The following KCNH5 variants were observed in gnomAD, a reference collection of about 807,000 sequenced individuals.
The protein encoded by KCNH5 is potassium voltage-gated channel subfamily H member 5.
In KCNH5, 46 loss-of-function variants were observed where a neutral mutation model predicts 96.1. The ratio of observed to expected loss-of-function variants is 0.48; its 90% CI spans 0.38 to 0.61. KCNH5 has a LOEUF of 0.61. Ranked by LOEUF, KCNH5 falls within the 20% of genes least tolerant of loss-of-function variation. KCNH5 has a pLI of 0.00. For synonymous variants in KCNH5, 439 were observed against 449.8 expected (o/e 0.98, Z 0.30); for missense variants, 907 against 1,225.8 (o/e 0.74, Z 3.88).
At position 62,772,993 on chromosome 14, in the gene KCNH5, T is replaced by C. The variant is rs1414848170; in HGVS notation, c.2019+6735A>G. 2.0e-5 allele frequency among the ~76,000 whole-genome samples: 3 copies of C among 152,310 alleles called. No individual in the cohort carries two copies. The East Asian group carries it at 5.8e-4, about 29-fold the overall frequency. On this transcript the variant is annotated intron_variant, in intron 10 of 10. Coordinates refer to ENST00000322893, the MANE Select transcript of KCNH5 (RefSeq NM_139318.5). ...CTATTAGTTTTATCCTGAACCACAG[T>C]ATGAAAAACTAAAATCAATCTATGA...
At chr14:62,748,501 AT>A (rs893713073) in intron 10 of KCNH5, among the ~76,000 whole-genome samples, 1 of 151,974 alleles carries the variant, frequency 6.6e-6, no homozygotes, top group Non-Finnish European at 1.5e-5. Context: ...TCATGGCCCC[AT>A]TTTCCCAGCC....
intron 4 of KCNH5, among the ~76,000 whole-genome samples, chr14:62,990,443 T>C (rs113039237): frequency 2.0e-5 from 3 of 152,174 alleles, no homozygotes; most frequent in South Asian, 2.1e-4. Context: ...TTCATCTCTT[T>C]TCTTTACCTT....
intron 2 of KCNH5, among the ~76,000 whole-genome samples, chr14:63,015,769 TTCATATCCCCTTGAATA>T (rs1357722790): frequency 7.9e-5 from 12 of 152,074 alleles, no homozygotes; most frequent in African/African-American, 2.6e-4. Flanking sequence ...ACCCAAGGGT[TTCATATCCCCTTGAATA>T]TCATATTTTT....
At chr14:62,750,746 T>G (rs778554006) in intron 10 of KCNH5, among the ~76,000 whole-genome samples, 14 of 152,178 alleles carry the variant, frequency 9.2e-5, no homozygotes, top group Non-Finnish European at 1.9e-4. Context: ...TTAGAATCAG[T>G]GTAAATGTTA....
At chr14:62,713,774 C>T (rs1010563851) in intron 10 of KCNH5, among the ~76,000 whole-genome samples, 2 of 152,112 alleles carry the variant, frequency 1.3e-5, no homozygotes, top group African/African-American at 4.8e-5. Flanking sequence ...ATCAGGGATG[C>T]CTAATATAAG....
chr14:62,713,450 A>C (rs1287898781), intron 10 of KCNH5, among the ~76,000 whole-genome samples: 3 of 152,218 alleles, frequency 2.0e-5, no homozygotes, highest in Non-Finnish European at 4.4e-5. Flanking sequence ...AAAGGTCTTG[A>C]ATCAGAACCT....
chr14:62,789,781 T>G (rs1886393749), intron 9 of KCNH5, among the ~76,000 whole-genome samples: 2 of 151,980 alleles, frequency 1.3e-5, no homozygotes, highest in Admixed American at 1.3e-4. Flanking sequence ...GGGTTATTTA[T>G]TTTCTGCTAT....
chr14:62,993,782 T>C (rs1175383680), intron 4 of KCNH5, among the ~76,000 whole-genome samples: 1 of 152,076 alleles, frequency 6.6e-6, no homozygotes, highest in Non-Finnish European at 1.5e-5. Context: ...GTGATACATT[T>C]ACTGATCTCA....
chr14:63,036,747 A>C (rs905482368), intron 1 of KCNH5, among the ~76,000 whole-genome samples: 2 of 152,144 alleles, frequency 1.3e-5, no homozygotes, highest in Non-Finnish European at 2.9e-5. Context: ...CTCATTCTTT[A>C]GGAAGGAAAA....
intron 7 of KCNH5, among the ~76,000 whole-genome samples, chr14:62,939,934 C>A (rs1426119952): frequency 2.0e-5 from 3 of 151,880 alleles, no homozygotes; most frequent in Non-Finnish European, 2.9e-5. Flanking sequence ...GAGCAAAAAT[C>A]TGCCTCAAAA....
At chr14:63,044,081 A>G (rs548913134) in intron 1 of KCNH5, among the ~76,000 whole-genome samples, 6 of 152,198 alleles carry the variant, frequency 3.9e-5, no homozygotes, top group Non-Finnish European at 7.3e-5. Flanking sequence ...TCCAAGCTCT[A>G]CTGTACTCCA....
At chr14:62,934,458 C>T (rs1439326428) in intron 7 of KCNH5, among the ~76,000 whole-genome samples, 1 of 152,100 alleles carries the variant, frequency 6.6e-6, no homozygotes, top group African/African-American at 2.4e-5. Flanking sequence ...CATTAAAATT[C>T]CCAGGTTGTT....
Position 62,981,191 on chromosome 14 carries a change from A to G in KCNH5, c.623T>C (p.Leu208Ser). 1 of 1,614,134 alleles carries G rather than the reference A, an allele frequency of 6.2e-7. No individual in the cohort carries two copies. Among genetic ancestry groups the G allele is most frequent in the South Asian group, 1.1e-5 (1 of 91,080 alleles). ...AGTAGTTTTAAAAGCACAATAATGT[A>G]AAATAATGTGTGGTGGCGTCTTTGG... ...EAPKTPPHII[L>S]HYCAFKTTWD... is the part of the protein sequence containing the mutation. The change falls in exon 6 of 11, where the codon TTA becomes TCA. Residue 208 changes from leucine (L) to serine (S), a missense_variant. By Grantham distance (145) the Leu-to-Ser change is moderately radical. Transcript: ENST00000322893.
chr14:62,828,111 T>A (rs1425946095), intron 8 of KCNH5, among the ~76,000 whole-genome samples: 1 of 152,130 alleles, frequency 6.6e-6, no homozygotes, highest in African/African-American at 2.4e-5. Context: ...CTTCTGACCT[T>A]GATCAGCCCC....
intron 7 of KCNH5, among the ~76,000 whole-genome samples, chr14:62,922,966 T>G (rs1032794266): frequency 2.6e-5 from 4 of 151,666 alleles, no homozygotes; most frequent in Non-Finnish European, 5.9e-5. Context: ...GTAAATAACA[T>G]CCAATTTAGA....
intron 10 of KCNH5, among the ~76,000 whole-genome samples, chr14:62,713,449 G>A (rs557985047): frequency 8.7e-4 from 132 of 152,302 alleles, no homozygotes; most frequent in Non-Finnish European, 1.5e-3. Context: ...GAAAGGTCTT[G>A]AATCAGAACC....
chr14:62,841,321 C>G (rs1342374065), intron 8 of KCNH5, among the ~76,000 whole-genome samples: 2 of 152,108 alleles, frequency 1.3e-5, no homozygotes, highest in South Asian at 2.1e-4. Flanking sequence ...GCATTATGGT[C>G]TCATTTAAAA....
chr14:63,021,285 A>G (rs571293168), intron 1 of KCNH5, among the ~76,000 whole-genome samples: 12 of 152,186 alleles, frequency 7.9e-5, no homozygotes, highest in Admixed American at 7.2e-4. Context: ...TATATAATCA[A>G]ATCTCAAATC....
chr14:62,880,545 C>T (rs1001871306), intron 7 of KCNH5, among the ~76,000 whole-genome samples: 24 of 152,060 alleles, frequency 1.6e-4, no homozygotes, highest in Non-Finnish European at 2.8e-4. Flanking sequence ...GGAGAGTCCT[C>T]GCCAAAAAAA....
Sources: allele counts gnomAD v4.1 joint callset (sites outside exome capture counted in the v4.1 genomes callset), GRCh38; gene constraint gnomAD v4.1.1; transcripts MANE v1.5; gene names NCBI Gene and HGNC (gene_info 2026-07-23, HGNC 2026-07-21).